Variants in CTNNA3 observed in about 807,000 individuals in gnomAD.
CTNNA3 encodes the protein catenin alpha-3.
Under a neutral mutation model 95.7 loss-of-function variants are expected in CTNNA3, and 76 were observed. That is an observed-to-expected ratio of 0.79 (90% CI 0.66 to 0.96). The LOEUF (loss-of-function observed/expected upper bound fraction) is 0.96, where lower values mean the gene tolerates loss of function less well. CTNNA3 is among the 40% of genes least tolerant of loss of function. The probability of loss-of-function intolerance (pLI) is 0.00; values close to 1 mark genes in which losing one functional copy is unlikely to be tolerated. For missense variants in CTNNA3, 1,191 were observed against 1,089.8 expected (o/e 1.09, Z -1.31); for synonymous variants, 431 against 374.4 (o/e 1.15, Z -1.74).
chr10:67,488,630 C>T (rs1848537060), intron 5 of CTNNA3, among the ~76,000 whole-genome samples: 1 of 151,038 alleles, frequency 6.6e-6, no homozygotes, highest in South Asian at 2.1e-4. Context: ...CTCGGCCTCC[C>T]AAAGTGCAGG....
chr10:67,395,960 A>AT (rs1189073767), intron 5 of CTNNA3, among the ~76,000 whole-genome samples: 1 of 152,160 alleles, frequency 6.6e-6, no homozygotes. Context: ...ATCTATGTAT[A>AT]TTTTTTAGTA....
chr10:67,252,246 A>C (rs527570438), intron 5 of CTNNA3, among the ~76,000 whole-genome samples: 68 of 150,138 alleles, frequency 4.5e-4, no homozygotes, highest in African/African-American at 1.3e-3. Flanking sequence ...AGACCTAAGG[A>C]CTAAGGAGTA....
At position 67,228,488 on chromosome 10, in the gene CTNNA3, C is replaced by T. The variant is rs188474330; in HGVS notation, c.580-8618G>A. 2.0e-5 allele frequency among the ~76,000 whole-genome samples: 3 copies of T among 152,244 alleles called. No individual in the cohort carries two copies. In the East Asian group the frequency reaches 5.8e-4, roughly 29 times the overall value. On this transcript the variant is annotated intron_variant, in intron 5 of 17. Transcript: ENST00000433211. ...ATTAGCAGGGCGTGGTGGCAGGCAC[C>T]TGTAATCCCAGCTACTTGGGAGGCT...
intron 11 of CTNNA3, among the ~76,000 whole-genome samples, chr10:66,439,446 C>T (rs988893907): frequency 6.6e-6 from 1 of 151,888 alleles, no homozygotes; most frequent in African/African-American, 2.4e-5. Flanking sequence ...TAGTTGTTAC[C>T]TGAGGATTAT....
chr10:67,316,295 T>C (rs542706948), intron 5 of CTNNA3, among the ~76,000 whole-genome samples: 1 of 152,318 alleles, frequency 6.6e-6, no homozygotes, highest in South Asian at 2.1e-4. Flanking sequence ...TGAGAATGGT[T>C]ATTTCTGGAA....
In CTNNA3 at chr10:67,169,368, G is replaced by A. The variant is rs955622586; in HGVS notation, c.1047+10949C>T. 3.0e-4 allele frequency among the ~76,000 whole-genome samples: 46 copies of A among 151,888 alleles called. 1 individual carries two copies. Among genetic ancestry groups the A allele is most frequent in the Middle Eastern group, 3.4e-3 (1 of 292 alleles). On this transcript the variant is annotated intron_variant, in intron 7 of 17. Transcript: ENST00000433211. ...AAAAAAACAAAGCTGGAAGCATCACGTTACCCAACTTCAAACTATACTACA... is the reference window on the plus strand; with the variant it reads ...AAAAAAACAAAGCTGGAAGCATCACATTACCCAACTTCAAACTATACTACA...
chr10:67,595,206 A>G (rs948868098), intron 3 of CTNNA3, among the ~76,000 whole-genome samples: 2 of 151,950 alleles, frequency 1.3e-5, no homozygotes, highest in Non-Finnish European at 2.9e-5. Flanking sequence ...TTGCTTTTCT[A>G]GTTCCTCTAG....
chr10:66,024,085 ATTT>A (rs71474007), intron 15 of CTNNA3, among the ~76,000 whole-genome samples: 3 of 87,748 alleles, frequency 3.4e-5, no homozygotes, highest in African/African-American at 8.7e-5. Flanking sequence ...TACCATACAC[ATTT>A]TTTTTTTTTT....
intron 11 of CTNNA3, among the ~76,000 whole-genome samples, chr10:66,453,645 T>C (rs1212115443): frequency 1.3e-5 from 2 of 152,180 alleles, no homozygotes; most frequent in Non-Finnish European, 2.9e-5. Flanking sequence ...GGTCAGAGAC[T>C]AATAACCACT....
intron 7 of CTNNA3, among the ~76,000 whole-genome samples, chr10:66,854,270 G>C (rs923790227): frequency 1.3e-5 from 2 of 151,456 alleles, no homozygotes; most frequent in Non-Finnish European, 2.9e-5. Flanking sequence ...TTCTTTTCCT[G>C]TCCCAGGTAC....
intron 10 of CTNNA3, among the ~76,000 whole-genome samples, chr10:66,571,309 C>A (rs1474444277): frequency 6.6e-6 from 1 of 152,160 alleles, no homozygotes; most frequent in Non-Finnish European, 1.5e-5. Context: ...AATTGGTTAT[C>A]GCATTCCCTT....
intron 9 of CTNNA3, among the ~76,000 whole-genome samples, chr10:66,690,564 G>A (rs1385603369): frequency 1.3e-5 from 2 of 151,232 alleles, no homozygotes; most frequent in African/African-American, 2.4e-5. Flanking sequence ...CTATGAGTGA[G>A]AATATGCGGT....
At chr10:66,235,464 T>C (rs2089803545) in intron 13 of CTNNA3, among the ~76,000 whole-genome samples, 1 of 151,562 alleles carries the variant, frequency 6.6e-6, no homozygotes, top group South Asian at 2.1e-4. Flanking sequence ...ATAAAATAAA[T>C]TGACATATAA....
rs1217542097 is a variant in CTNNA3, at chr10:65,918,397, A to C, written c.*1933T>G. The C allele has an allele frequency of 2.6e-5, 4 of 152,150 alleles. No individual in the cohort carries two copies. Among genetic ancestry groups the C allele is most frequent in the Admixed American group, 2.0e-4 (3 of 15,270 alleles). The allele number at this position is 152,150 out of a possible 1,614,324, so 9.4% of individuals were successfully genotyped here. On this transcript the variant is annotated 3_prime_UTR_variant, in exon 18 of 18. Transcript: ENST00000433211. Reference sequence around the variant, plus strand: ...TGATTAAAAGAAAATTCCTCTCCCCACTAAATTATAAATTTATACTTCTAT... The same window carrying C: ...TGATTAAAAGAAAATTCCTCTCCCCCCTAAATTATAAATTTATACTTCTAT...
At chr10:66,360,812 C>CTTTCTCT (rs1564897249) in intron 12 of CTNNA3, among the ~76,000 whole-genome samples, 3 of 52,288 alleles carry the variant, frequency 5.7e-5, no homozygotes, top group African/African-American at 8.9e-5. Context: ...TTCCTTCCTT[C>CTTTCTCT]CTTCCTTTCT....
intron 5 of CTNNA3, among the ~76,000 whole-genome samples, chr10:67,234,412 C>A (rs1349612415): frequency 6.6e-6 from 1 of 152,164 alleles, no homozygotes; most frequent in Non-Finnish European, 1.5e-5. Context: ...AAGACAAAAA[C>A]CACATGATTA....
intron 9 of CTNNA3, among the ~76,000 whole-genome samples, chr10:66,765,772 C>A (rs956195452): frequency 1.3e-5 from 2 of 152,062 alleles, no homozygotes; most frequent in Admixed American, 1.3e-4. Context: ...GTTTTATGGT[C>A]TTCTTTTGCC....
intron 5 of CTNNA3, among the ~76,000 whole-genome samples, chr10:67,220,202 G>A (rs977978875): frequency 1.3e-5 from 2 of 152,162 alleles, no homozygotes; most frequent in African/African-American, 4.8e-5. Context: ...CATTACATGG[G>A]AGCTTGAATT....
chr10:66,396,622 T>C (rs1470663070), intron 11 of CTNNA3, among the ~76,000 whole-genome samples: 3 of 151,990 alleles, frequency 2.0e-5, no homozygotes, highest in Non-Finnish European at 4.4e-5. Flanking sequence ...ATTGGAATAG[T>C]TATTAAGCAT....
Sources: allele counts gnomAD v4.1 joint callset (sites outside exome capture counted in the v4.1 genomes callset), GRCh38; gene constraint gnomAD v4.1.1; transcripts MANE v1.5; gene names NCBI Gene and HGNC (gene_info 2026-07-23, HGNC 2026-07-21).